Variants in WDR27 observed in about 807,000 individuals in gnomAD.
The protein encoded by WDR27 is WD repeat-containing protein 27.
Under a neutral mutation model 114.4 loss-of-function variants are expected in WDR27, and 100 were observed. That is an observed-to-expected ratio of 0.87 (90% CI 0.74 to 1.03). The LOEUF is 1.03. WDR27 is among the 50% of genes least tolerant of loss of function. The pLI is 0.00. For synonymous variants in WDR27, 449 were observed against 423.1 expected (o/e 1.06, Z -0.75); for missense variants, 1,129 against 1,092.9 (o/e 1.03, Z -0.47).
At position 169,605,672 on chromosome 6, in the gene WDR27, A is replaced by G. The variant is rs531044384; in HGVS notation, c.2322-3351T>C. Among the ~76,000 whole-genome samples, 23 of 152,148 alleles carry G rather than the reference A, an allele frequency of 1.5e-4. No homozygotes were observed. In the East Asian group the frequency reaches 4.2e-3, roughly 28 times the overall value. On this transcript the variant is annotated intron_variant, in intron 22 of 25. Coordinates refer to ENST00000448612, the MANE Select transcript of WDR27 (RefSeq NM_182552.5). ...GCCAAAGTAATCCTAAATAAAAAGAACAAAGCTGGAGGCATCACCTTCCCT... is the reference window on the plus strand; with the variant it reads ...GCCAAAGTAATCCTAAATAAAAAGAGCAAAGCTGGAGGCATCACCTTCCCT...
chr6:169,467,973 C>A (rs372308895), intron 25 of WDR27, among the ~76,000 whole-genome samples: 9 of 152,366 alleles, frequency 5.9e-5, no homozygotes, highest in Middle Eastern at 3.4e-3. Context: ...ATCCAAGTCG[C>A]ATCTTGAACA....
chr6:169,459,752 A>G lies in WDR27; in HGVS notation c.2646-2118T>C, dbSNP rs536003369. On this transcript the variant is annotated intron_variant, in intron 25 of 25. Transcript: ENST00000448612. ...CTCTGAGATTATCAGCAGATTTCTC[A>G]TAATAAACTTTGCAGACCACAAGGC... 6.6e-5 allele frequency among the ~76,000 whole-genome samples: 10 copies of G among 152,286 alleles called. No homozygotes were observed. The South Asian group carries it at 1.9e-3, about 28-fold the overall frequency.
intron 25 of WDR27, among the ~76,000 whole-genome samples, chr6:169,512,154 C>G (rs573677754): frequency 6.6e-6 from 1 of 152,112 alleles, no homozygotes; most frequent in East Asian, 1.9e-4. Context: ...TTAGATTGCC[C>G]TACAAATTGT....
intron 25 of WDR27, among the ~76,000 whole-genome samples, chr6:169,568,506 T>C (rs1800859908): frequency 6.6e-6 from 1 of 152,090 alleles, no homozygotes; most frequent in African/African-American, 2.4e-5. Context: ...CTAAGCTCAG[T>C]AGGGACCTGC....
At chr6:169,544,753 A>G (rs1797245647) in intron 25 of WDR27, among the ~76,000 whole-genome samples, 1 of 152,280 alleles carries the variant, frequency 6.6e-6, no homozygotes, top group Non-Finnish European at 1.5e-5. Context: ...TCTCATTTCT[A>G]TATACTAAAA....
chr6:169,701,121 T>C (rs1165396543), intron 1 of WDR27, among the ~76,000 whole-genome samples: 1 of 152,204 alleles, frequency 6.6e-6, no homozygotes, highest in Non-Finnish European at 1.5e-5. Flanking sequence ...CAGAGCAGTG[T>C]GTGTAAATTG....
chr6:169,457,569 C>T lies in WDR27; in HGVS notation c.*23G>A, dbSNP rs1419324282. The T allele has an allele frequency of 5.8e-6, 9 of 1,548,752 alleles. No individual in the cohort carries two copies. The highest frequency in any genetic ancestry group is 7.0e-6 in the Non-Finnish European group (8 of 1,145,384). On this transcript the variant is annotated 3_prime_UTR_variant, in exon 26 of 26. Coordinates refer to ENST00000448612, the MANE Select transcript of WDR27 (RefSeq NM_182552.5). ...TTCCTCACAGCATTCCTGGACCCAG[C>T]TCACAGGTCAGTGGTTACTCAGCTA...
At chr6:169,617,611 G>A (rs2494683) in intron 21 of WDR27, among the ~76,000 whole-genome samples, 110,801 of 152,008 alleles carry the variant, frequency 0.73, 42,740 homozygotes, top group Non-Finnish European at 0.87. Flanking sequence ...CCTGACCTCA[G>A]GTGATCCACC....
chr6:169,652,889 A>G (rs1191031889), intron 13 of WDR27, among the ~76,000 whole-genome samples: 2 of 152,238 alleles, frequency 1.3e-5, no homozygotes. Flanking sequence ...AAACGAGATG[A>G]CCCTTGTTGA....
chr6:169,554,340 C>A (rs372728267), intron 25 of WDR27, among the ~76,000 whole-genome samples: 2 of 152,138 alleles, frequency 1.3e-5, no homozygotes, highest in African/African-American at 4.8e-5. Context: ...TGCAGGAAGA[C>A]GGGACCCATC....
intron 17 of WDR27, among the ~76,000 whole-genome samples, chr6:169,643,349 A>G (rs1819687162): frequency 6.6e-6 from 1 of 152,234 alleles, no homozygotes; most frequent in Admixed American, 6.5e-5. Flanking sequence ...TACAAACCCC[A>G]CTAAATTTCA....
In WDR27 at chr6:169,482,151, G is replaced by GT. The variant is rs1788249084; in HGVS notation, c.2646-24518dup. Among the ~76,000 whole-genome samples the GT allele has an allele frequency of 3.9e-5, 6 of 152,336 alleles. 1 individual carries two copies. In the South Asian group the frequency reaches 1.0e-3, roughly 26 times the overall value. ...TCTTATCTTTTTTTATGGTTACATAGTATTCTATGGTGTATATGTACCACA... is the reference window on the plus strand; with the variant it reads ...TCTTATCTTTTTTTATGGTTACATAGTTATTCTATGGTGTATATGTACCACA... On this transcript the variant is annotated intron_variant, in intron 25 of 25. Transcript: ENST00000448612.
At chr6:169,649,375 T>C (rs1468654799) in intron 14 of WDR27, 100 bp from the exon 15 acceptor site, 2 of 1,024,018 alleles carry the variant, frequency 2.0e-6, no homozygotes, top group South Asian at 1.4e-5. Context: ...TACATAGATA[T>C]AGACGTCTGC....
chr6:169,433,643 C>G, the WDR27 span, among the ~76,000 whole-genome samples: 1 of 152,172 alleles, frequency 6.6e-6, no homozygotes, highest in African/African-American at 2.4e-5. Context: ...ATTCCTGGTT[C>G]TAGATCCTTG....
intron 25 of WDR27, among the ~76,000 whole-genome samples, chr6:169,501,681 G>T (rs1052073839): frequency 6.7e-6 from 1 of 149,234 alleles, no homozygotes; most frequent in South Asian, 2.2e-4. Context: ...TGTGACTGGG[G>T]TCTTGGTTGA....
chr6:169,698,508 G>A (rs1332687994), intron 1 of WDR27, among the ~76,000 whole-genome samples: 2 of 152,156 alleles, frequency 1.3e-5, no homozygotes, highest in African/African-American at 4.8e-5. Context: ...GAGGTCAGAT[G>A]GCCCCTAAAA....
At chr6:169,513,103 G>A (rs1300791471) in intron 25 of WDR27, among the ~76,000 whole-genome samples, 2 of 152,096 alleles carry the variant, frequency 1.3e-5, no homozygotes, top group Non-Finnish European at 2.9e-5. Flanking sequence ...ACTGTTTTGT[G>A]GGTGAGTCTT....
rs57744811 is a variant in WDR27 at position 169,660,282 on chromosome 6, G to A, written c.1129+381C>T. Among the ~76,000 whole-genome samples the A allele has an allele frequency of 7.0e-3, 1,064 of 152,210 alleles. 12 individuals are homozygous for A. Among genetic ancestry groups the A allele is most frequent in the African/African-American group, 0.024 (992 of 41,526 alleles). On this transcript the variant is annotated intron_variant, in intron 10 of 25. Transcript: ENST00000448612. ...GGGAGCCAGGGTTGGAGAGGAGTGC[G>A]CCTCGGCCGGGTTTACGCTGTGCGA...
intron 25 of WDR27, among the ~76,000 whole-genome samples, chr6:169,520,068 C>T (rs996851812): frequency 1.3e-5 from 2 of 152,230 alleles, no homozygotes; most frequent in African/African-American, 4.8e-5. Context: ...TATGAAGAGC[C>T]AGAGACAAAA....
Sources: allele counts gnomAD v4.1 joint callset (sites outside exome capture counted in the v4.1 genomes callset), GRCh38; gene constraint gnomAD v4.1.1; transcripts MANE v1.5; gene names NCBI Gene and HGNC (gene_info 2026-07-23, HGNC 2026-07-21).